The following FOXN3 variants were observed in gnomAD, a reference collection of about 807,000 sequenced individuals.
FOXN3 encodes the protein forkhead box N3.
In FOXN3, 7 loss-of-function variants were observed where a neutral mutation model predicts 38.4. That is an observed-to-expected ratio of 0.18 (90% CI 0.10 to 0.34). The LOEUF is 0.34. Among genes scored for constraint, FOXN3 ranks in the 10% least tolerant of loss-of-function variants. The pLI is 1.00. For missense variants in FOXN3, 456 were observed against 613.4 expected, an observed-to-expected ratio of 0.74 and a Z score of 2.71; for synonymous variants, 230 against 242.2, an observed-to-expected ratio of 0.95 and a Z score of 0.47.
At chr14:89,544,945 A>G (rs1894857900) in intron 1 of FOXN3, among the ~76,000 whole-genome samples, 1 of 152,246 alleles carries the variant, frequency 6.6e-6, no homozygotes, top group African/African-American at 2.4e-5. Context: ...AGTTGACTGT[A>G]GGTAACTCAA....
chr14:89,350,533 A>G, intron 3 of FOXN3, 139 bp downstream of exon 3: 1 of 719,276 alleles, frequency 1.4e-6, no homozygotes, highest in Non-Finnish European at 2.1e-6. Flanking sequence ...TATGCCTCCT[A>G]ATAATACTTA....
rs558216817 is a variant in FOXN3, at chr14:89,166,709, C to A, written c.852-3740G>T. Reference sequence around the variant, plus strand: ...TTAAAATATAAATGTCTCTCTTTCTCATTTGATGAAATTAACCTTCCCTGA... The same window carrying A: ...TTAAAATATAAATGTCTCTCTTTCTAATTTGATGAAATTAACCTTCCCTGA... On this transcript the variant is annotated intron_variant, in intron 5 of 5. Coordinates refer to ENST00000557258, the MANE Select transcript of FOXN3 (RefSeq NM_005197.4). Among the ~76,000 whole-genome samples the A allele has an allele frequency of 3.3e-5, 5 of 152,330 alleles. No individual in the cohort carries two copies. In the South Asian group the frequency reaches 6.2e-4, roughly 19 times the overall value.
intron 2 of FOXN3, among the ~76,000 whole-genome samples, chr14:89,371,741 G>C (rs1189214289): frequency 2.0e-5 from 3 of 152,094 alleles, no homozygotes; most frequent in African/African-American, 7.2e-5. Flanking sequence ...GCAGAGAGGG[G>C]AGGAGGAGAG....
intron 1 of FOXN3, among the ~76,000 whole-genome samples, chr14:89,550,305 T>A (rs1894976342): frequency 6.6e-6 from 1 of 152,184 alleles, no homozygotes; most frequent in South Asian, 2.1e-4. Context: ...ACAGGGCAGG[T>A]CTTCATTTTC....
intron 1 of FOXN3, among the ~76,000 whole-genome samples, chr14:89,606,680 A>G (rs1176133098): frequency 6.6e-6 from 1 of 151,768 alleles, no homozygotes; most frequent in Non-Finnish European, 1.5e-5. Flanking sequence ...CAAAACCCCA[A>G]CTCTACCAAA....
chr14:89,211,594 G>C (rs1316268210), intron 4 of FOXN3, among the ~76,000 whole-genome samples: 1 of 152,206 alleles, frequency 6.6e-6, no homozygotes, highest in East Asian at 1.9e-4. Context: ...GAAAGTACAT[G>C]TAGACACTGG....
intron 2 of FOXN3, among the ~76,000 whole-genome samples, chr14:89,368,951 T>C (rs1013029449): frequency 6.6e-6 from 1 of 152,184 alleles, no homozygotes; most frequent in African/African-American, 2.4e-5. Context: ...AAAAGATCCC[T>C]GGCTGAACAA....
intron 1 of FOXN3, among the ~76,000 whole-genome samples, chr14:89,555,024 C>T (rs538046938): frequency 7.0e-4 from 107 of 152,098 alleles, no homozygotes; most frequent in African/African-American, 2.4e-3. Flanking sequence ...GTCCTGACCT[C>T]AGGTGATCCA....
intron 1 of FOXN3, among the ~76,000 whole-genome samples, chr14:89,541,657 TC>T (rs915495328): frequency 1.3e-5 from 2 of 152,150 alleles, no homozygotes; most frequent in African/African-American, 4.8e-5. Context: ...TCCTTTACTT[TC>T]TTTATAAACT....
intron 3 of FOXN3, among the ~76,000 whole-genome samples, chr14:89,316,414 G>T (rs1356054096): frequency 6.6e-6 from 1 of 152,074 alleles, no homozygotes; most frequent in African/African-American, 2.4e-5. Flanking sequence ...CTGTCACCAA[G>T]GCTAGATCAT....
chr14:89,204,052 TACACACACAC>T (rs10559428), intron 4 of FOXN3, among the ~76,000 whole-genome samples: 5,673 of 133,654 alleles, frequency 0.042, 147 homozygotes, highest in East Asian at 0.12. Context: ...CATACTCCCT[TACACACACAC>T]ACACACACAC....
rs1043120511 is a variant in FOXN3 at position 89,350,746 on chromosome 14, A to G, written c.606T>C (p.Ala202=). 6.2e-6 allele frequency: 10 copies of G among 1,605,766 alleles called. No homozygotes were observed. The highest frequency in any genetic ancestry group is 8.5e-6 in the Non-Finnish European group (10 of 1,176,986). ...GTGGGTGATAAGGTGTCTTTTTCAA[A>G]GCCTGAATTAGATTTTGTCTATACT... ...DPEYRQNLIQ[A]LKKTPYHPHP... Residue 202 remains alanine, a synonymous_variant, in exon 3 of 6, where the codon GCT becomes GCC. Transcript: ENST00000557258.
chr14:89,246,869 G>T (rs115526083), intron 4 of FOXN3, among the ~76,000 whole-genome samples: 1 of 152,066 alleles, frequency 6.6e-6, no homozygotes, highest in South Asian at 2.1e-4. Context: ...AGAAAAGAGA[G>T]CATGACAAGA....
intron 2 of FOXN3, among the ~76,000 whole-genome samples, chr14:89,397,530 T>A (rs907297185): frequency 6.6e-6 from 1 of 151,628 alleles, no homozygotes; most frequent in South Asian, 2.1e-4. Flanking sequence ...CTTGACTCCT[T>A]TGTCTGTGCT....
chr14:89,179,071 CT>C (rs2139793579), intron 5 of FOXN3, among the ~76,000 whole-genome samples: 1 of 152,262 alleles, frequency 6.6e-6, no homozygotes, highest in East Asian at 1.9e-4. Context: ...GGAATTTTGG[CT>C]TCATGGAAAG....
chr14:89,295,104 C>G (rs1886995713), intron 3 of FOXN3, among the ~76,000 whole-genome samples: 1 of 152,168 alleles, frequency 6.6e-6, no homozygotes, highest in Admixed American at 6.5e-5. Context: ...TGGCACAGGT[C>G]TCCAGAACAC....
chr14:89,214,770 C>T lies in FOXN3; in HGVS notation c.746-33964G>A, dbSNP rs572350404. Reference sequence around the variant, plus strand: ...TTTTTTCTCAGCCCAGTGGGGACCACGTAATGTGAATGCCTTCTATCTAAG... The same window carrying T: ...TTTTTTCTCAGCCCAGTGGGGACCATGTAATGTGAATGCCTTCTATCTAAG... On this transcript the variant is annotated intron_variant, in intron 4 of 5. Coordinates refer to ENST00000557258, the MANE Select transcript of FOXN3 (RefSeq NM_005197.4). 4.6e-5 allele frequency among the ~76,000 whole-genome samples: 7 copies of T among 152,298 alleles called. No homozygotes were observed. The South Asian group carries it at 6.2e-4, about 14-fold the overall frequency.
intron 1 of FOXN3, among the ~76,000 whole-genome samples, chr14:89,567,131 T>G (rs1895370665): frequency 6.6e-6 from 1 of 152,230 alleles, no homozygotes; most frequent in African/African-American, 2.4e-5. Flanking sequence ...TTCCTCATCA[T>G]TCAGCTAAAA....
chr14:89,162,630 C>T lies in FOXN3; in HGVS notation c.1191G>A (p.Lys397=), dbSNP rs1490233516. 1 of 1,613,628 alleles carries T rather than the reference C, an allele frequency of 6.2e-7. No homozygotes were observed. The highest frequency in any genetic ancestry group is 1.7e-5 in the Admixed American group (1 of 59,980). Residue 397 remains lysine (K), a synonymous_variant, in exon 6 of 6, where the codon AAG becomes AAA. Coordinates refer to ENST00000557258, the MANE Select transcript of FOXN3 (RefSeq NM_005197.4). This position sits in a 1 kb window ranked among gnomAD's most constrained non-coding sequence, Gnocchi z 7.2. ...LGDSGYASQH[K]KRQHFAKARK... Reference sequence around the variant, plus strand: ...TGGCCTTGGCGAAGTGCTGGCGCTTCTTGTGCTGGGATGCGTACCCGCTGT... The same window carrying T: ...TGGCCTTGGCGAAGTGCTGGCGCTTTTTGTGCTGGGATGCGTACCCGCTGT...
Sources: gnomAD v4.1 joint callset for allele counts (sites outside exome capture counted in the v4.1 genomes callset) on GRCh38, gnomAD v4.1.1 for gene constraint, Gnocchi (gnomAD v3.1) non-coding constraint, MANE v1.5 for transcripts, NCBI Gene and HGNC (gene_info 2026-07-23, HGNC 2026-07-21) for gene names.